PDCD2L: variants seen among roughly 807,000 people sequenced by gnomAD.
PDCD2L encodes the protein uS5 assembly chaperone PDCD2L.
A neutral mutation model predicts 40.4 loss-of-function variants in PDCD2L; 44 were observed. The observed-to-expected ratio is 1.09, with a 90% CI of 0.86 to 1.40. PDCD2L has a LOEUF of 1.40. Ranked by LOEUF, PDCD2L falls within the 40% of genes most tolerant of loss-of-function variation. PDCD2L has a pLI of 0.00. For synonymous variants in PDCD2L, 194 were observed against 174.6 expected (o/e 1.11, Z -0.88); for missense variants, 470 against 453.7 (o/e 1.04, Z -0.33).
In PDCD2L at chr19:34,409,351, A is replaced by ATCC. The variant is rs1164683261; in HGVS notation, c.529_531dup (p.Pro177dup). On this transcript the variant is annotated inframe_insertion, in exon 4 of 7. Transcript: ENST00000246535. ...CAGGATGCTGTCCTGGGTGCTGCCC[A>ATCC]TCCTGTGCCTCCTGGGCTGCCGCTC... 6.2e-7 allele frequency: 1 copy of ATCC among 1,613,790 alleles called. No individual in the cohort carries two copies. Among genetic ancestry groups the ATCC allele is most frequent in the Non-Finnish European group, 8.5e-7 (1 of 1,179,978 alleles).
intron 6 of PDCD2L, 26 bp downstream of exon 6, chr19:34,421,693 T>A (rs758161714): frequency 6.4e-7 from 1 of 1,564,692 alleles, no homozygotes. Flanking sequence ...TTAATTTGAG[T>A]TTGTGGATTT....
At position 34,404,686 on chromosome 19, in the gene PDCD2L, G is replaced by T; in HGVS notation, c.146G>T (p.Cys49Phe). The T allele has an allele frequency of 1.9e-6, 3 of 1,612,204 alleles. No homozygotes were observed. Among genetic ancestry groups the T allele is most frequent in the Non-Finnish European group, 1.7e-6 (2 of 1,179,818 alleles). Residue 49 changes from cysteine to phenylalanine, a missense_variant, in exon 2 of 7, where the codon TGT becomes TTT. Coordinates refer to ENST00000246535, the MANE Select transcript of PDCD2L (RefSeq NM_032346.2). The part of the protein sequence containing the change: ...LPTVAAPRPV[C>F]QRCGQPLALV... ...ACCGTGGCTGCGCCCAGGCCCGTGT[G>T]TCAGCGCTGCGGGCAGCCGCTCGCT...
chr19:34,425,129 TTTCTG>T (rs1474232094), intron 6 of PDCD2L, among the ~76,000 whole-genome samples: 1 of 152,080 alleles, frequency 6.6e-6, no homozygotes, highest in Non-Finnish European at 1.5e-5. Context: ...GACTCCTGCT[TTTCTG>T]TTCTAATATC....
At chr19:34,423,491 CT>C (rs547306985) in intron 6 of PDCD2L, among the ~76,000 whole-genome samples, 2,908 of 113,074 alleles carry the variant, frequency 0.026, 37 homozygotes, top group East Asian at 0.11. Flanking sequence ...GACCCAGTAT[CT>C]TTTTTTTTTT....
chr19:34,406,147 A>T (rs1432715722), intron 3 of PDCD2L, among the ~76,000 whole-genome samples: 1 of 152,096 alleles, frequency 6.6e-6, no homozygotes, highest in Non-Finnish European at 1.5e-5. Context: ...GTCCCCTGCC[A>T]AAAAAACAAA....
In PDCD2L at chr19:34,413,151, GC is replaced by G. The variant is rs759786749; in HGVS notation, c.687-584del. On this transcript the variant is annotated intron_variant, in intron 4 of 6. Transcript: ENST00000246535. ...TCTCCTGGGTTCAAGTGATTCTCCTGCCTCAGCCTCCCAAGGAGCTGGGATT... is the reference window on the plus strand; with the variant it reads ...TCTCCTGGGTTCAAGTGATTCTCCTGCTCAGCCTCCCAAGGAGCTGGGATT... 6.7e-4 allele frequency among the ~76,000 whole-genome samples: 102 copies of G among 151,806 alleles called. 2 individuals carry two copies. The highest frequency in any genetic ancestry group is 1.3e-4 in the Non-Finnish European group (9 of 67,972).
intron 3 of PDCD2L, 35 bp from the exon 4 acceptor site, chr19:34,409,126 T>C (rs752763615): frequency 1.9e-6 from 3 of 1,582,228 alleles, no homozygotes; most frequent in Non-Finnish European, 2.6e-6. Context: ...ACCTCCCAAA[T>C]GTGCTCGGAC....
intron 3 of PDCD2L, among the ~76,000 whole-genome samples, chr19:34,406,345 A>G (rs1197318990): frequency 6.6e-6 from 1 of 152,134 alleles, no homozygotes; most frequent in Non-Finnish European, 1.5e-5. Flanking sequence ...TTGTGAGAAC[A>G]TTTGAAATTT....
At chr19:34,417,784 G>T (rs2145468312) in intron 5 of PDCD2L, among the ~76,000 whole-genome samples, 1 of 152,130 alleles carries the variant, frequency 6.6e-6, no homozygotes, top group African/African-American at 2.4e-5. Context: ...GAGGAGAATT[G>T]GTGTCCAAAA....
At chr19:34,415,243 C>T (rs1252974898) in intron 5 of PDCD2L, among the ~76,000 whole-genome samples, 3 of 152,070 alleles carry the variant, frequency 2.0e-5, no homozygotes, top group Non-Finnish European at 4.4e-5. Context: ...CTCAGCCTCC[C>T]GAGTATCTAG....
At chr19:34,419,061 A>G (rs2075137505) in intron 5 of PDCD2L, among the ~76,000 whole-genome samples, 1 of 152,220 alleles carries the variant, frequency 6.6e-6, no homozygotes, top group Non-Finnish European at 1.5e-5. Context: ...ATGGCTTTAA[A>G]TTTTGATCAA....
rs975904696 is a variant in PDCD2L at position 34,411,072 on chromosome 19, C to A, written c.686+1562C>A. ...TGCCGGGATTACAGGTGTGAGCCAC[C>A]GCGCCCGGCAGGATTTTTTATTTTT... On this transcript the variant is annotated intron_variant, in intron 4 of 6. Transcript: ENST00000246535. 1.8e-3 allele frequency among the ~76,000 whole-genome samples: 267 copies of A among 151,466 alleles called. 1 individual carries two copies. The highest frequency in any genetic ancestry group is 2.9e-3 in the Non-Finnish European group (197 of 67,912).
At chr19:34,422,139 T>C (rs1174985580) in intron 6 of PDCD2L, 1 of 149,864 alleles carries the variant, frequency 6.7e-6, no homozygotes. Flanking sequence ...TTTTTTTTTT[T>C]AATATTTATT....
rs1035566620 is a variant in PDCD2L, at chr19:34,422,628, T to C, written c.946+961T>C. 5.3e-5 allele frequency among the ~76,000 whole-genome samples: 8 copies of C among 151,924 alleles called. 1 individual carries two copies. Among genetic ancestry groups the C allele is most frequent in the Non-Finnish European group, 1.2e-4 (8 of 67,990 alleles). The stretch of plus-strand genomic sequence containing the variant: ...CCTAAAATAGGAAAATTCACTAATA[T>C]GGTAATTAAAAGTCTTAGAACAAAT... On this transcript the variant is annotated intron_variant, in intron 6 of 6. Coordinates refer to ENST00000246535, the MANE Select transcript of PDCD2L (RefSeq NM_032346.2).
At chr19:34,407,706 G>C (rs1321809301) in intron 3 of PDCD2L, among the ~76,000 whole-genome samples, 2 of 151,802 alleles carry the variant, frequency 1.3e-5, no homozygotes, top group Non-Finnish European at 2.9e-5. Flanking sequence ...TTCCTGTTTG[G>C]GAATATATAT....
rs1476577639 is a variant in PDCD2L, at chr19:34,426,140, A to G, written c.*20A>G. The G allele has an allele frequency of 6.7e-7, 1 of 1,489,798 alleles. No individual in the cohort carries two copies. Among genetic ancestry groups the G allele is most frequent in the East Asian group, 2.3e-5 (1 of 43,618 alleles). The allele number at this position is 1,489,798 out of a possible 1,614,324, so 92.3% of individuals were successfully genotyped here. On this transcript the variant is annotated 3_prime_UTR_variant, in exon 7 of 7. Coordinates refer to ENST00000246535, the MANE Select transcript of PDCD2L (RefSeq NM_032346.2). ...AAGTAGAGCATTTCCTTTTATTAATATAAATTAAAACAAATGTTTACATCC... is the reference window on the plus strand; with the variant it reads ...AAGTAGAGCATTTCCTTTTATTAATGTAAATTAAAACAAATGTTTACATCC...
Position 34,404,729 on chromosome 19 carries a change from T to TTGCCCGCTGGAAGGC in PDCD2L, c.191_205dup (p.Cys64_Gly68dup), listed in dbSNP as rs770967280. On this transcript the variant is annotated inframe_insertion, in exon 2 of 7. Coordinates refer to ENST00000246535, the MANE Select transcript of PDCD2L (RefSeq NM_032346.2). ...CGCTCGCTCTGGTCGTGCAGGTGTA[T>TTGCCCGCTGGAAGGC]TGCCCGCTGGAAGGCTCCCCGTTTC... 2.5e-6 allele frequency: 4 copies of TTGCCCGCTGGAAGGC among 1,612,428 alleles called. No individual in the cohort carries two copies. Among genetic ancestry groups the TTGCCCGCTGGAAGGC allele is most frequent in the Non-Finnish European group, 3.4e-6 (4 of 1,179,838 alleles).
intron 3 of PDCD2L, among the ~76,000 whole-genome samples, chr19:34,407,201 G>C (rs998791407): frequency 6.6e-6 from 1 of 150,596 alleles, no homozygotes; most frequent in African/African-American, 2.5e-5. Flanking sequence ...GAGTGCAGTA[G>C]CACAATCTTG....
At chr19:34,408,730 A>G (rs1457728660) in intron 3 of PDCD2L, among the ~76,000 whole-genome samples, 1 of 152,138 alleles carries the variant, frequency 6.6e-6, no homozygotes, top group Non-Finnish European at 1.5e-5. Context: ...CACAATGGCT[A>G]CCTTTTGCTA....
Sources: gnomAD v4.1 joint callset for allele counts (sites outside exome capture counted in the v4.1 genomes callset) on GRCh38, gnomAD v4.1.1 for gene constraint, MANE v1.5 for transcripts, NCBI Gene and HGNC (gene_info 2026-07-23, HGNC 2026-07-21) for gene names.